Variants in MAK16 observed in about 807,000 individuals in gnomAD.
MAK16 encodes protein MAK16 homolog.
MAK16 carries 12 observed loss-of-function variants against 49.9 expected under a neutral mutation model. The ratio of observed to expected loss-of-function variants is 0.24; its 90% CI spans 0.15 to 0.39. MAK16 has a LOEUF of 0.39. Ranked by LOEUF, MAK16 falls within the 10% of genes least tolerant of loss-of-function variation. MAK16 has a pLI of 1.00. For synonymous variants in MAK16, 115 were observed against 126.4 expected, an observed-to-expected ratio of 0.91 and a Z score of 0.60; for missense variants, 292 against 363.7, an observed-to-expected ratio of 0.80 and a Z score of 1.60.
rs1563345057 is a variant in MAK16 at position 33,485,205 on chromosome 8, C to T, written c.-2C>T. On this transcript the variant is annotated 5_prime_UTR_variant, in exon 1 of 10. Coordinates refer to ENST00000360128, the MANE Select transcript of MAK16 (RefSeq NM_032509.4). ...GAAGTTGCACGCTGAGCCGCGGACA[C>T]CATGCAGTCGGATGATGTGAGTCTC... 3 of 1,614,052 alleles carry T rather than the reference C, an allele frequency of 1.9e-6. No homozygotes were observed. Among genetic ancestry groups the T allele is most frequent in the African/African-American group, 1.3e-5 (1 of 74,934 alleles).
rs1449908586 is a variant in MAK16 at position 33,498,359 on chromosome 8, AG to A, written c.706-69del. The A allele has an allele frequency of 6.8e-6, 9 of 1,314,258 alleles. No individual in the cohort carries two copies. The African/African-American group carries it at 1.0e-4, about 15-fold the overall frequency. 81.4% of individuals were successfully genotyped at this position (1,314,258 alleles called of 1,614,324 possible). ...CAATGCCCTAGTCTGTTCTAGATTG[AG>A]GGGACAAGGAAGGGAGTTTGGAGAA... On this transcript the variant is annotated intron_variant, in intron 9 of 9. Transcript: ENST00000360128.
intron 6 of MAK16, among the ~76,000 whole-genome samples, chr8:33,494,775 C>T (rs956252035): frequency 6.6e-6 from 1 of 152,080 alleles, no homozygotes; most frequent in East Asian, 1.9e-4. Flanking sequence ...CATGGAACAT[C>T]GCTGTAGCCC....
At chr8:33,485,334 A>G (rs895183903) in intron 1 of MAK16, 113 bp downstream of exon 1, 1 of 1,413,616 alleles carries the variant, frequency 7.1e-7, no homozygotes, top group South Asian at 1.2e-5. Flanking sequence ...GCCGCTCTGG[A>G]TGTGAGGCTT....
chr8:33,494,365 T>C (rs896817811), intron 6 of MAK16, among the ~76,000 whole-genome samples: 1 of 152,198 alleles, frequency 6.6e-6, no homozygotes, highest in Non-Finnish European at 1.5e-5. Flanking sequence ...ATGAGCCACC[T>C]TGCCAGCCTG....
chr8:33,499,369 AAGG>A lies in MAK16; in HGVS notation c.*745_*747del, dbSNP rs1296514607. ...TTCTTCTTCCTTGGTATCATATTCA[AAGG>A]AGGAAAGAATGGATGACACTTAGGG... On this transcript the variant is annotated 3_prime_UTR_variant, in exon 10 of 10. Coordinates refer to ENST00000360128, the MANE Select transcript of MAK16 (RefSeq NM_032509.4). 16 of 929,100 alleles carry A rather than the reference AAGG, an allele frequency of 1.7e-5. No homozygotes were observed. The highest frequency in any genetic ancestry group is 2.8e-5 in the Non-Finnish European group (16 of 579,344). The allele number at this position is 929,100 out of a possible 1,614,324, so 57.6% of individuals were successfully genotyped here.
In MAK16 at chr8:33,496,739, G is replaced by T; in HGVS notation, c.637G>T (p.Glu213Ter). The T allele has an allele frequency of 6.2e-7, 1 of 1,603,378 alleles. No individual in the cohort carries two copies. Residue 213 changes from glutamate (E) to a stop codon, truncating the protein, a stop_gained and splice_region_variant, in exon 8 of 10, where the codon GAA becomes TAA. Coordinates refer to ENST00000360128, the MANE Select transcript of MAK16 (RefSeq NM_032509.4). LOFTEE classifies it high-confidence loss of function. ...AAAAGATGATGATGATGATGATGAG[G>T]AAGTAAGTCTTGTTTTTGTTTTGCC... ...EEKDDDDDDEEDVGKREFVED... is the reference protein window; with the variant it reads ...EEKDDDDDDE
intron 1 of MAK16, among the ~76,000 whole-genome samples, chr8:33,486,372 G>C (rs2676396): frequency 1.3e-5 from 2 of 152,092 alleles, no homozygotes; most frequent in South Asian, 4.1e-4. Flanking sequence ...AGGCAATAAA[G>C]TGAGACTCCA....
At chr8:33,487,652 A>G (rs1808709065) in intron 1 of MAK16, among the ~76,000 whole-genome samples, 1 of 148,530 alleles carries the variant, frequency 6.7e-6, no homozygotes, top group Admixed American at 6.8e-5. Flanking sequence ...CAAACTCCCA[A>G]CCTCAAGTGA....
At position 33,498,908 on chromosome 8, in the gene MAK16, G is replaced by A; in HGVS notation, c.*279G>A. ...TGAGTTCTTGAATCTGGGATGAGATGACGGATGTAAATATTTCTAAATTTT... is the reference window on the plus strand; with the variant it reads ...TGAGTTCTTGAATCTGGGATGAGATAACGGATGTAAATATTTCTAAATTTT... On this transcript the variant is annotated 3_prime_UTR_variant, in exon 10 of 10. Transcript: ENST00000360128. The A allele has an allele frequency of 1.7e-6, 1 of 578,664 alleles. No individual in the cohort carries two copies. Among genetic ancestry groups the A allele is most frequent in the Non-Finnish European group, 3.0e-6 (1 of 328,994 alleles). The allele number at this position is 578,664 out of a possible 1,614,324, so 35.8% of individuals were successfully genotyped here.
chr8:33,496,615 T>C lies in MAK16; in HGVS notation c.523-10T>C. ...TGTAGTTAAAGCCAATCTGTGTTTA[T>C]GTTCTTCAGTATGGCGACATCTACA... On this transcript the variant is annotated splice_polypyrimidine_tract_variant and intron_variant, in intron 7 of 9. Coordinates refer to ENST00000360128, the MANE Select transcript of MAK16 (RefSeq NM_032509.4). The C allele has an allele frequency of 6.2e-7, 1 of 1,603,192 alleles. No homozygotes were observed. Among genetic ancestry groups the C allele is most frequent in the Non-Finnish European group, 8.5e-7 (1 of 1,171,376 alleles).
Position 33,490,411 on chromosome 8 carries a change from TC to T in MAK16, c.447+73del, listed in dbSNP as rs1409093473. On this transcript the variant is annotated intron_variant, in intron 6 of 9. Transcript: ENST00000360128. ...GGGTCTCTTATAGATTCAGTCACCA[TC>T]ATTATGTAAACTGTTGAGGCCTTGG... 5 of 1,241,828 alleles carry T rather than the reference TC, an allele frequency of 4.0e-6. No homozygotes were observed. In the African/African-American group the frequency reaches 7.4e-5, roughly 18 times the overall value. The allele number at this position is 1,241,828 out of a possible 1,614,324, so 76.9% of individuals were successfully genotyped here.
rs7822716 is a variant in MAK16, at chr8:33,493,080, A to T, written c.448-2462A>T. Among the ~76,000 whole-genome samples, 148 of 152,160 alleles carry T rather than the reference A, an allele frequency of 9.7e-4. 1 individual carries two copies. Among genetic ancestry groups the T allele is most frequent in the African/African-American group, 3.3e-3 (137 of 41,504 alleles). ...CCCCATTAATCACAGTTATGTATCT[A>T]AAATCTGTATCATTGGTCTGCAAAG... On this transcript the variant is annotated intron_variant, in intron 6 of 9. Transcript: ENST00000360128.
rs567073446 is a variant in MAK16, at chr8:33,491,101, C to A, written c.447+762C>A. ...ACCTCCGGTTCCATCCATGTTGTTA[C>A]AAATGACAGAATCTCATTCTTTTTA... On this transcript the variant is annotated intron_variant, in intron 6 of 9. Transcript: ENST00000360128. Among the ~76,000 whole-genome samples the A allele has an allele frequency of 3.9e-5, 6 of 152,330 alleles. No individual in the cohort carries two copies. The South Asian group carries it at 1.2e-3, about 32-fold the overall frequency.
rs375965150 is a variant in MAK16 at position 33,485,258 on chromosome 8, G to T, written c.15+37G>T. 33 of 1,614,024 alleles carry T rather than the reference G, an allele frequency of 2.0e-5. No individual in the cohort carries two copies. The African/African-American group carries it at 4.3e-4, about 21-fold the overall frequency. The stretch of plus-strand genomic sequence containing the variant: ...CCGGTTGTTCTTACACCCGGGGTTT[G>T]CGCAGGGAATTTTGCCCATTTTCGG... On this transcript the variant is annotated intron_variant, in intron 1 of 9. Coordinates refer to ENST00000360128, the MANE Select transcript of MAK16 (RefSeq NM_032509.4).
At chr8:33,486,302 C>T (rs1808685539) in intron 1 of MAK16, among the ~76,000 whole-genome samples, 1 of 152,142 alleles carries the variant, frequency 6.6e-6, no homozygotes, top group Non-Finnish European at 1.5e-5. Context: ...CCTGTAATCC[C>T]AACGCTTTGG....
chr8:33,495,042 A>G (rs1808835131), intron 6 of MAK16, among the ~76,000 whole-genome samples: 1 of 152,142 alleles, frequency 6.6e-6, no homozygotes, highest in African/African-American at 2.4e-5. Flanking sequence ...TATCAAATTA[A>G]TGCACCATCC....
rs748234912 is a variant in MAK16, at chr8:33,498,482, C to T, written c.756C>T (p.Ser252=). 1.2e-6 allele frequency: 2 copies of T among 1,613,902 alleles called. No homozygotes were observed. The highest frequency in any genetic ancestry group is 1.7e-6 in the Non-Finnish European group (2 of 1,180,002). ...ASSDEDQDGK[S]SSEEEEEKAL... ...GTGATGAAGATCAGGATGGTAAATCCTCCAGTGAGGAGGAGGAAGAAAAGG... is the reference window on the plus strand; with the variant it reads ...GTGATGAAGATCAGGATGGTAAATCTTCCAGTGAGGAGGAGGAAGAAAAGG... The change falls in exon 10 of 10, where the codon TCC becomes TCT. Residue 252 remains serine (S), a synonymous_variant. Transcript: ENST00000360128.
chr8:33,488,692 G>T, intron 3 of MAK16, 42 bp from the exon 4 acceptor site: 1 of 1,611,970 alleles, frequency 6.2e-7, no homozygotes, highest in Non-Finnish European at 8.5e-7. Flanking sequence ...ATGTTCTTTA[G>T]TTTCTGTAAA....
intron 8 of MAK16, 80 bp downstream of exon 8, chr8:33,496,821 G>A (rs774632781): frequency 2.9e-4 from 307 of 1,052,076 alleles, no homozygotes; most frequent in Non-Finnish European, 2.8e-4. Flanking sequence ...TCTTCAGTCC[G>A]CTAACCAAAA....
Sources: gnomAD v4.1 joint callset for allele counts (sites outside exome capture counted in the v4.1 genomes callset) on GRCh38, gnomAD v4.1.1 for gene constraint, MANE v1.5 for transcripts, NCBI Gene and HGNC (gene_info 2026-07-23, HGNC 2026-07-21) for gene names.